The following AGK variants were observed in gnomAD, a reference collection of about 807,000 sequenced individuals.
The protein encoded by AGK is acylglycerol kinase, mitochondrial.
In AGK, 52 loss-of-function variants were observed where a neutral mutation model predicts 66.4. That is an observed-to-expected ratio of 0.78 (90% CI 0.63 to 0.99). The LOEUF (loss-of-function observed/expected upper bound fraction) is 0.99. Ranked by LOEUF, AGK falls within the 50% of genes least tolerant of loss-of-function variation. The probability of loss-of-function intolerance (pLI) is 0.00; values close to 1 mark genes in which losing one functional copy is unlikely to be tolerated. For synonymous variants in AGK, 182 were observed against 181.1 expected, an observed-to-expected ratio of 1.00 and a Z score of -0.04; for missense variants, 451 against 506.6, an observed-to-expected ratio of 0.89 and a Z score of 1.05.
chr7:141,585,806 ATT>A (rs1209184083), intron 2 of AGK, among the ~76,000 whole-genome samples: 2 of 152,124 alleles, frequency 1.3e-5, no homozygotes, highest in Admixed American at 6.5e-5. Flanking sequence ...ACATCAGCAG[ATT>A]TTTTTCATTT....
Position 141,555,342 on chromosome 7 carries a change from GA to G in AGK, c.-14-104del. 47 of 666,316 alleles carry G rather than the reference GA, an allele frequency of 7.1e-5. No individual in the cohort carries two copies. Among genetic ancestry groups the G allele is most frequent in the Middle Eastern group, 4.3e-4 (1 of 2,330 alleles). The allele number at this position is 666,316 out of a possible 1,614,324, so 41.3% of individuals were successfully genotyped here. On this transcript the variant is annotated intron_variant, in intron 1 of 15. Transcript: ENST00000649286. The surrounding 1 kb of genome is among the most constrained non-coding windows in gnomAD (Gnocchi z 4.2). Reference sequence around the variant, plus strand: ...GGTAAGGAGGAAGAGGAGTGAGTGGGAAAAAAAGGAGTGAGAGAGGATAAAA... The same window carrying G: ...GGTAAGGAGGAAGAGGAGTGAGTGGGAAAAAAGGAGTGAGAGAGGATAAAA...
At chr7:141,593,273 T>A in intron 3 of AGK, 88 bp downstream of exon 3, 1 of 1,187,832 alleles carries the variant, frequency 8.4e-7, no homozygotes. Context: ...TTGCACAGTG[T>A]CTTGCATCTG....
At chr7:141,644,875 C>T (rs947445051) in intron 13 of AGK, among the ~76,000 whole-genome samples, 3 of 152,112 alleles carry the variant, frequency 2.0e-5, no homozygotes, top group East Asian at 3.8e-4. Flanking sequence ...CAATAAACCT[C>T]TGCCATACAT....
chr7:141,650,525 T>G (rs887941412), intron 14 of AGK: 10 of 985,460 alleles, frequency 1.0e-5, no homozygotes, highest in Non-Finnish European at 1.2e-5. Flanking sequence ...GAGAACATAG[T>G]GAAGCTGCGT....
chr7:141,580,801 C>A (rs894415757), intron 2 of AGK, among the ~76,000 whole-genome samples: 1 of 151,902 alleles, frequency 6.6e-6, no homozygotes, highest in African/African-American at 2.4e-5. Flanking sequence ...GAATTTCGAC[C>A]GCACAGCCCT....
intron 4 of AGK, 67 bp downstream of exon 4, chr7:141,596,708 G>T: frequency 7.3e-7 from 1 of 1,376,614 alleles, no homozygotes; most frequent in South Asian, 1.2e-5. Context: ...CAGACTATCA[G>T]GCAGCTAGTG....
intron 9 of AGK, among the ~76,000 whole-genome samples, chr7:141,626,068 T>C (rs1392830485): frequency 1.3e-5 from 2 of 152,248 alleles, no homozygotes; most frequent in African/African-American, 4.8e-5. Flanking sequence ...ACCCAGAAGG[T>C]GGTTTGAAAT....
Position 141,621,795 on chromosome 7 carries a change from G to A in AGK, c.582G>A (p.Gln194=), listed in dbSNP as rs1458207091. Residue 194 remains glutamine (Q), a synonymous_variant, in exon 9 of 16, where the codon CAG becomes CAA. Transcript: ENST00000649286. ...AGACAGTTCCACTTGATGTCTTGCA[G>A]ATCAAGGTAAATCTTTTCATCACAT... ...KGETVPLDVL[Q]IKGEKEQPVF... The A allele has an allele frequency of 6.2e-7, 1 of 1,611,326 alleles. No individual in the cohort carries two copies. Among genetic ancestry groups the A allele is most frequent in the East Asian group, 2.2e-5 (1 of 44,844 alleles).
At chr7:141,567,425 T>C (rs4298424) in intron 2 of AGK, among the ~76,000 whole-genome samples, 1 of 152,216 alleles carries the variant, frequency 6.6e-6, no homozygotes, top group South Asian at 2.1e-4. Context: ...ATTTTTACTG[T>C]ATTTATAATT....
At chr7:141,649,671 C>T (rs1198529920) in intron 14 of AGK, among the ~76,000 whole-genome samples, 1 of 152,238 alleles carries the variant, frequency 6.6e-6, no homozygotes. Context: ...GACGTCATGA[C>T]TCGGATCATT....
At position 141,653,012 on chromosome 7, in the gene AGK, C is replaced by T. The variant is rs773114548; in HGVS notation, c.*88C>T. ...GGTGCCTCAGCCATCCCAACAGTGT[C>T]GTCAGAGGGTCCCCAGGGCATTTTC... On this transcript the variant is annotated 3_prime_UTR_variant, in exon 16 of 16. Transcript: ENST00000649286. 1.8e-5 allele frequency: 27 copies of T among 1,525,570 alleles called. No homozygotes were observed. The highest frequency in any genetic ancestry group is 4.5e-5 in the East Asian group (2 of 44,136). 94.5% of individuals were successfully genotyped at this position (1,525,570 alleles called of 1,614,324 possible).
chr7:141,584,534 G>A (rs1018904295), intron 2 of AGK, among the ~76,000 whole-genome samples: 8 of 152,190 alleles, frequency 5.3e-5, no homozygotes, highest in South Asian at 2.1e-4. Flanking sequence ...TGGGGCACGA[G>A]TACTCAGGAC....
rs1797587366 is a variant in AGK at position 141,652,552 on chromosome 7, C to T, written c.1132-235C>T. 9 of 380,492 alleles carry T rather than the reference C, an allele frequency of 2.4e-5. No individual in the cohort carries two copies. The South Asian group carries it at 4.4e-4, about 18-fold the overall frequency. 23.6% of individuals were successfully genotyped at this position (380,492 alleles called of 1,614,324 possible). A position where few individuals can be genotyped will look rare whatever the true frequency, so the allele number is the denominator to read the frequency against. ...AAATACTCTGGGAGGAGATAGGGGC[C>T]AAAAAAAGAAAATAAATCCTTTTTC... is the stretch of plus-strand genomic sequence containing the variant. On this transcript the variant is annotated intron_variant, in intron 15 of 15. Transcript: ENST00000649286.
chr7:141,563,036 A>C (rs961238655), intron 2 of AGK, among the ~76,000 whole-genome samples: 1 of 152,172 alleles, frequency 6.6e-6, no homozygotes, highest in Non-Finnish European at 1.5e-5. Context: ...GTGTGTTCAG[A>C]GGTGGGTTTT....
Position 141,631,088 on chromosome 7 carries a change from G to A in AGK, c.589-2813G>A, listed in dbSNP as rs577574507. ...TTCCAGTGAGGGTAGGAATATTTTT[G>A]GCTCATGTAAAAGCTTTATGAGGTT... On this transcript the variant is annotated intron_variant, in intron 9 of 15. Coordinates refer to ENST00000649286, the MANE Select transcript of AGK (RefSeq NM_018238.4). Among the ~76,000 whole-genome samples, 41 of 152,022 alleles carry A rather than the reference G, an allele frequency of 2.7e-4. No individual in the cohort carries two copies. In the Middle Eastern group the frequency reaches 0.014, roughly 50 times the overall value.
chr7:141,593,271 T>C, intron 3 of AGK, 86 bp downstream of exon 3: 2 of 1,207,264 alleles, frequency 1.7e-6, no homozygotes, highest in Non-Finnish European at 2.4e-6. Flanking sequence ...ACTTGCACAG[T>C]GTCTTGCATC....
At chr7:141,634,046 G>C in intron 10 of AGK, 66 bp downstream of exon 10, 1 of 1,359,940 alleles carries the variant, frequency 7.4e-7, no homozygotes, top group Non-Finnish European at 1.1e-6. Context: ...CTGCCTTTCA[G>C]GTTTTAATTC....
intron 2 of AGK, among the ~76,000 whole-genome samples, chr7:141,577,256 T>G (rs1795764024): frequency 6.6e-6 from 1 of 152,120 alleles, no homozygotes; most frequent in Admixed American, 6.5e-5. Context: ...ACATTTACAA[T>G]CCATTTTCTC....
intron 4 of AGK, chr7:141,599,315 T>A (rs1230392872): frequency 1.3e-5 from 2 of 152,144 alleles, no homozygotes; most frequent in Non-Finnish European, 2.9e-5. Flanking sequence ...AATTATTTTT[T>A]GTATGTGCCT....
Sources: allele counts gnomAD v4.1 joint callset (sites outside exome capture counted in the v4.1 genomes callset), GRCh38; gene constraint gnomAD v4.1.1; non-coding constraint Gnocchi (gnomAD v3.1); transcripts MANE v1.5; gene names NCBI Gene and HGNC (gene_info 2026-07-23, HGNC 2026-07-21).